Variants in NRXN3 observed in about 807,000 individuals in gnomAD.
NRXN3 encodes neurexin 3.
In NRXN3, 32 loss-of-function variants were observed where a neutral mutation model predicts 137.6. The observed-to-expected ratio is 0.23, with a 90% confidence interval of 0.18 to 0.31. NRXN3 has a LOEUF of 0.31. Ranked by LOEUF, NRXN3 falls within the 10% of genes least tolerant of loss-of-function variation. NRXN3 has a pLI of 1.00. For synonymous variants in NRXN3, 798 were observed against 784.5 expected (o/e 1.02, Z -0.29); for missense variants, 1,574 against 2,062.5 (o/e 0.76, Z 4.59).
chr14:79,711,243 G>C (rs1046500188), intron 19 of NRXN3, among the ~76,000 whole-genome samples: 1 of 152,156 alleles, frequency 6.6e-6, no homozygotes, highest in African/African-American at 2.4e-5. Context: ...GTTTATATTG[G>C]AAGAATCTCA....
At chr14:79,227,665 C>T (rs914216304) in intron 15 of NRXN3, among the ~76,000 whole-genome samples, 3 of 151,522 alleles carry the variant, frequency 2.0e-5, no homozygotes, top group African/African-American at 7.3e-5. Flanking sequence ...TCTGATAGGG[C>T]CACTTTGTTG....
At chr14:79,123,106 T>C (rs2055735956) in intron 15 of NRXN3, among the ~76,000 whole-genome samples, 1 of 152,110 alleles carries the variant, frequency 6.6e-6, no homozygotes, top group Non-Finnish European at 1.5e-5. Flanking sequence ...CACTGTTTTG[T>C]AGGATGCTAA....
At chr14:79,125,859 T>C (rs1387896823) in intron 15 of NRXN3, among the ~76,000 whole-genome samples, 1 of 152,176 alleles carries the variant, frequency 6.6e-6, no homozygotes, top group Non-Finnish European at 1.5e-5. Flanking sequence ...ATACACTGCA[T>C]GATGTATACT....
intron 19 of NRXN3, among the ~76,000 whole-genome samples, chr14:79,758,062 T>A (rs1013401021): frequency 1.3e-5 from 2 of 152,210 alleles, no homozygotes; most frequent in African/African-American, 4.8e-5. Flanking sequence ...TTTTTGTTTA[T>A]TTTTGTTTTT....
intron 10 of NRXN3, among the ~76,000 whole-genome samples, chr14:78,881,229 G>C (rs1016226416): frequency 6.6e-6 from 1 of 151,636 alleles, no homozygotes; most frequent in African/African-American, 2.4e-5. Context: ...GTCAGGCTGA[G>C]AATGGACTAA....
At chr14:79,185,596 G>T (rs1268850463) in intron 15 of NRXN3, among the ~76,000 whole-genome samples, 1 of 151,888 alleles carries the variant, frequency 6.6e-6, no homozygotes, top group Non-Finnish European at 1.5e-5. Context: ...CTCCCGAGTA[G>T]CTGGGACTAC....
At chr14:78,735,690 C>G (rs2098538170) in intron 8 of NRXN3, among the ~76,000 whole-genome samples, 1 of 152,100 alleles carries the variant, frequency 6.6e-6, no homozygotes, top group Non-Finnish European at 1.5e-5. Context: ...AATTCTTATC[C>G]TCTTCTCTCT....
chr14:78,706,399 A>G (rs987917919), intron 6 of NRXN3, among the ~76,000 whole-genome samples: 11 of 152,224 alleles, frequency 7.2e-5, no homozygotes, highest in African/African-American at 2.4e-4. Flanking sequence ...TTTAGCTAAA[A>G]TGAAAAATTC....
intron 19 of NRXN3, among the ~76,000 whole-genome samples, chr14:79,720,199 AGT>A (rs2098839584): frequency 1.3e-5 from 2 of 152,126 alleles, no homozygotes; most frequent in Non-Finnish European, 2.9e-5. Context: ...AGCAGGCAAG[AGT>A]GTGTGTGCAG....
In NRXN3 at chr14:79,321,302, A is replaced by T. The variant is rs1261767958; in HGVS notation, c.3263-145919A>T. On this transcript the variant is annotated intron_variant, in intron 15 of 20. Coordinates refer to ENST00000335750, the MANE Select transcript of NRXN3 (RefSeq NM_001330195.2). ...AAGGTAAAATCAGTGTGAAGATAAGATACCATCTTATCTAACTGGACCTTT... is the reference window on the plus strand; with the variant it reads ...AAGGTAAAATCAGTGTGAAGATAAGTTACCATCTTATCTAACTGGACCTTT... Among the ~76,000 whole-genome samples, 7 of 152,276 alleles carry T rather than the reference A, an allele frequency of 4.6e-5. No individual in the cohort carries two copies. The East Asian group carries it at 1.4e-3, about 29-fold the overall frequency.
chr14:79,497,017 G>T (rs2096773801), intron 16 of NRXN3, among the ~76,000 whole-genome samples: 1 of 152,210 alleles, frequency 6.6e-6, no homozygotes, highest in Non-Finnish European at 1.5e-5. Flanking sequence ...TGAGAGGGGA[G>T]CCAACAGGCC....
chr14:78,854,712 A>T (rs1278474316), intron 10 of NRXN3, among the ~76,000 whole-genome samples: 1 of 152,202 alleles, frequency 6.6e-6, no homozygotes, highest in African/African-American at 2.4e-5. Flanking sequence ...CTGGCTAAGA[A>T]GTCCTTGCTT....
At chr14:78,191,170 G>C (rs918169296) in intron 1 of NRXN3, among the ~76,000 whole-genome samples, 1 of 152,158 alleles carries the variant, frequency 6.6e-6, no homozygotes, top group Non-Finnish European at 1.5e-5. Flanking sequence ...TTCACAACTG[G>C]TGGGGTGTGG....
At chr14:78,262,157 T>C (rs916718892) in intron 2 of NRXN3, among the ~76,000 whole-genome samples, 2 of 152,192 alleles carry the variant, frequency 1.3e-5, no homozygotes, top group African/African-American at 4.8e-5. Context: ...GTCATTTGCT[T>C]GGCTGAAGAA....
intron 8 of NRXN3, among the ~76,000 whole-genome samples, chr14:78,790,811 T>TG (rs1310536008): frequency 1.3e-5 from 2 of 152,158 alleles, no homozygotes; most frequent in Non-Finnish European, 2.9e-5. Flanking sequence ...GGGAGTATAG[T>TG]GCTAGGAATG....
intron 4 of NRXN3, among the ~76,000 whole-genome samples, chr14:78,534,359 A>C (rs1043204457): frequency 6.6e-6 from 1 of 152,246 alleles, no homozygotes; most frequent in African/African-American, 2.4e-5. Flanking sequence ...AATCACAGAC[A>C]GACGTCAGTG....
At chr14:78,427,139 C>A (rs952317539) in intron 4 of NRXN3, among the ~76,000 whole-genome samples, 1 of 152,080 alleles carries the variant, frequency 6.6e-6, no homozygotes, top group African/African-American at 2.4e-5. Flanking sequence ...GGTGCCCCCA[C>A]GGAAGGAGGA....
At chr14:79,299,826 C>T (rs558575914) in intron 15 of NRXN3, among the ~76,000 whole-genome samples, 28 of 152,100 alleles carry the variant, frequency 1.8e-4, no homozygotes, top group South Asian at 1.2e-3. Flanking sequence ...TCTATTTTCC[C>T]GCAATCCTAT....
chr14:78,988,374 A>G, intron 15 of NRXN3: 1 of 506,824 alleles, frequency 2.0e-6, no homozygotes. Flanking sequence ...TTTTTTCTTT[A>G]GATTAGAATA....
Sources: gnomAD v4.1 joint callset for allele counts (sites outside exome capture counted in the v4.1 genomes callset) on GRCh38, gnomAD v4.1.1 for gene constraint, MANE v1.5 for transcripts, NCBI Gene and HGNC (gene_info 2026-07-23, HGNC 2026-07-21) for gene names.